Variants in NUP98 observed in about 807,000 individuals in gnomAD.
NUP98 encodes the protein nuclear pore complex protein Nup98-Nup96.
In NUP98, 26 loss-of-function variants were observed where a neutral mutation model predicts 191.9. The ratio of observed to expected loss-of-function variants is 0.14; its 90% CI spans 0.10 to 0.19. NUP98 has a LOEUF of 0.19. NUP98 is among the 10% of genes least tolerant of loss of function. NUP98 has a pLI of 1.00. For synonymous variants in NUP98, 808 were observed against 778.4 expected (o/e 1.04, Z -0.63); for missense variants, 1,941 against 2,178.8 (o/e 0.89, Z 2.17).
chr11:3,696,718 G>A (rs1370799788), intron 25 of NUP98: 1 of 152,300 alleles, frequency 6.6e-6, no homozygotes, highest in Non-Finnish European at 1.5e-5. Context: ...GCTGAGGCAG[G>A]AGAATCGCTT....
intron 14 of NUP98, among the ~76,000 whole-genome samples, chr11:3,728,914 T>C (rs1363160789): frequency 6.6e-6 from 1 of 152,116 alleles, no homozygotes; most frequent in Non-Finnish European, 1.5e-5. Context: ...ATAACTTAGA[T>C]GAGGAATGTG....
chr11:3,783,100 C>T (rs2082029258), intron 1 of NUP98, among the ~76,000 whole-genome samples: 1 of 152,126 alleles, frequency 6.6e-6, no homozygotes, highest in Non-Finnish European at 1.5e-5. Flanking sequence ...ATGAAAATCC[C>T]TCACCTCTGG....
chr11:3,682,462 G>A (rs987527785), intron 30 of NUP98, among the ~76,000 whole-genome samples: 1 of 152,144 alleles, frequency 6.6e-6, no homozygotes, highest in African/African-American at 2.4e-5. Flanking sequence ...CCATTGTAGG[G>A]TTATTAACTG....
At chr11:3,729,842 A>G (rs1007029641) in intron 14 of NUP98, among the ~76,000 whole-genome samples, 6 of 151,756 alleles carry the variant, frequency 4.0e-5, no homozygotes, top group African/African-American at 1.2e-4. Context: ...TTCTACTTGT[A>G]TATTTGAAAA....
chr11:3,677,410 G>GT (rs372075323), intron 31 of NUP98, among the ~76,000 whole-genome samples: 14,371 of 130,704 alleles, frequency 0.11, 975 homozygotes, highest in South Asian at 0.17. Flanking sequence ...TGTAACATAG[G>GT]TTTTTTTTTT....
chr11:3,711,421 T>C (rs2079020281), intron 20 of NUP98: 1 of 152,162 alleles, frequency 6.6e-6, no homozygotes, highest in Non-Finnish European at 1.5e-5. Flanking sequence ...TAGAAACTAC[T>C]GTCAACATTA....
chr11:3,771,703 ATC>A, intron 7 of NUP98, 43 bp downstream of exon 7: 1 of 1,543,570 alleles, frequency 6.5e-7, no homozygotes, highest in Non-Finnish European at 8.9e-7. Flanking sequence ...AGTTTTAGTT[ATC>A]TGTCTCTCCT....
intron 10 of NUP98, among the ~76,000 whole-genome samples, chr11:3,755,894 C>T (rs908288326): frequency 4.0e-5 from 6 of 150,888 alleles, no homozygotes; most frequent in Admixed American, 2.6e-4. Context: ...ACCTGGGAGG[C>T]GAAGGTTGCA....
chr11:3,788,288 G>A lies in NUP98; in HGVS notation c.-28-6143C>T, dbSNP rs144292604. On this transcript the variant is annotated intron_variant, in intron 1 of 32. Transcript: ENST00000324932. ...TTAGAGTGAAGAGTATATTAGCTTT[G>A]GTGTGAGACATCTGTATTTAAAACT... Among the ~76,000 whole-genome samples the A allele has an allele frequency of 1.6e-3, 244 of 152,190 alleles. 1 individual carries two copies. The highest frequency in any genetic ancestry group is 5.5e-3 in the African/African-American group (227 of 41,518).
Position 3,720,832 on chromosome 11 carries a change from C to CAAAAAAAAAAAAAAAAAAACAAAAAAAAA in NUP98, c.2147-8_2147-7insTTTTTTTTTGTTTTTTTTTTTTTTTTTTT. The CAAAAAAAAAAAAAAAAAAACAAAAAAAAA allele has an allele frequency of 3.0e-6, 1 of 338,918 alleles. No individual in the cohort carries two copies. Among genetic ancestry groups the CAAAAAAAAAAAAAAAAAAACAAAAAAAAA allele is most frequent in the South Asian group, 5.0e-5 (1 of 19,834 alleles). The allele number at this position is 338,918 out of a possible 1,614,324, so 21.0% of individuals were successfully genotyped here. A position where few individuals can be genotyped will look rare whatever the true frequency, so the allele number is the denominator to read the frequency against. The stretch of plus-strand genomic sequence containing the variant: ...ACCTTAGTGAGAATAATACCTGTGA[C>CAAAAAAAAAAAAAAAAAAACAAAAAAAAA]AAAAAAAAAAAAAAAAACAGAAAAA... On this transcript the variant is annotated splice_region_variant and splice_polypyrimidine_tract_variant and intron_variant, in intron 16 of 32. Transcript: ENST00000324932.
At chr11:3,708,316 G>A (rs1003604676) in intron 20 of NUP98, among the ~76,000 whole-genome samples, 1 of 152,038 alleles carries the variant, frequency 6.6e-6, no homozygotes, top group African/African-American at 2.4e-5. Flanking sequence ...GGGGGAGAGT[G>A]GTTCCAATTT....
chr11:3,735,038 A>G (rs532405359), intron 13 of NUP98, among the ~76,000 whole-genome samples, 153 bp downstream of exon 13: 2 of 152,272 alleles, frequency 1.3e-5, no homozygotes, highest in South Asian at 4.1e-4. Flanking sequence ...AGCAAAAATA[A>G]TTTACTCCCG....
intron 8 of NUP98, among the ~76,000 whole-genome samples, chr11:3,765,745 G>C (rs1198747245): frequency 6.7e-6 from 1 of 148,774 alleles, no homozygotes; most frequent in African/African-American, 2.5e-5. Flanking sequence ...AGGTTGCAGT[G>C]AGCCAAGATC....
At chr11:3,736,098 GTTTTGT>G (rs1271655789) in intron 12 of NUP98, among the ~76,000 whole-genome samples, 1 of 147,912 alleles carries the variant, frequency 6.8e-6, no homozygotes, top group Non-Finnish European at 1.5e-5. Flanking sequence ...GTGTGTGTGT[GTTTTGT>G]TTTTTTTTTC....
In NUP98 at chr11:3,720,773, A is replaced by T; in HGVS notation, c.2199T>A (p.Leu733=). 1 of 1,598,940 alleles carries T rather than the reference A, an allele frequency of 6.3e-7. No homozygotes were observed. The highest frequency in any genetic ancestry group is 1.1e-5 in the South Asian group (1 of 90,690). ...CTCCTTTTTCATTGGTAATTTTAGC[A>T]AGGTCATCCATAGATGGAATAGTAT... ...GYYTIPSMDD[L]AKITNEKGEC... The change falls in exon 17 of 33, where the codon CTT becomes CTA. Residue 733 remains leucine, a synonymous_variant. Coordinates refer to ENST00000324932, the MANE Select transcript of NUP98 (RefSeq NM_016320.5).
intron 18 of NUP98, among the ~76,000 whole-genome samples, chr11:3,717,892 T>C (rs1271041905): frequency 4.6e-5 from 7 of 152,324 alleles, no homozygotes; most frequent in African/African-American, 1.7e-4. Flanking sequence ...TCACTGACTT[T>C]TGTATGTTAA....
intron 17 of NUP98, 101 bp downstream of exon 17, chr11:3,720,611 A>T: frequency 1.6e-6 from 1 of 608,160 alleles, no homozygotes; most frequent in Non-Finnish European, 2.9e-6. Context: ...GGTGGGCCCA[A>T]ATGTAGGAAA....
At chr11:3,700,936 A>C (rs2078657303) in intron 23 of NUP98, 97 bp from the exon 24 acceptor site, 3 of 796,256 alleles carry the variant, frequency 3.8e-6, no homozygotes, top group Non-Finnish European at 4.0e-6. Flanking sequence ...TATGATTACA[A>C]ACGGAATGCA....
intron 25 of NUP98, 94 bp downstream of exon 25, chr11:3,698,988 A>T: frequency 7.0e-7 from 1 of 1,433,052 alleles, no homozygotes; most frequent in Non-Finnish European, 9.6e-7. Context: ...ATAGGCTAGA[A>T]GCCAAAGGGA....
Sources: gnomAD v4.1 joint callset for allele counts (sites outside exome capture counted in the v4.1 genomes callset) on GRCh38, gnomAD v4.1.1 for gene constraint, MANE v1.5 for transcripts, NCBI Gene and HGNC (gene_info 2026-07-23, HGNC 2026-07-21) for gene names.